Variants in CELF4 observed in about 807,000 individuals in gnomAD.
CELF4 encodes CUGBP Elav-like family member 4.
In CELF4, 18 loss-of-function variants were observed where a neutral mutation model predicts 59.9. That is an observed-to-expected ratio of 0.30 (90% confidence interval 0.21 to 0.45). The LOEUF (loss-of-function observed/expected upper bound fraction) is 0.45, where lower values mean the gene tolerates loss of function less well. Ranked by LOEUF, CELF4 falls within the 20% of genes least tolerant of loss-of-function variation. The pLI, the probability that CELF4 is intolerant of heterozygous loss-of-function variation, is 1.00. For synonymous variants in CELF4, 261 were observed against 267.1 expected, an observed-to-expected ratio of 0.98 and a Z score of 0.22; for missense variants, 456 against 689.0, an observed-to-expected ratio of 0.66 and a Z score of 3.79.
chr18:37,472,470 A>G (rs1156286011), intron 2 of CELF4, among the ~76,000 whole-genome samples: 1 of 152,276 alleles, frequency 6.6e-6, no homozygotes, highest in African/African-American at 2.4e-5. Flanking sequence ...GAATCACTGA[A>G]GCAAGAGTGG....
At chr18:37,418,074 A>G (rs375726873) in intron 2 of CELF4, among the ~76,000 whole-genome samples, 1 of 152,154 alleles carries the variant, frequency 6.6e-6, no homozygotes, top group African/African-American at 2.4e-5. Flanking sequence ...CCTATCTTTC[A>G]AGGCAAAAGT....
At chr18:37,294,014 A>G (rs766847769) in intron 3 of CELF4, among the ~76,000 whole-genome samples, 11 of 152,122 alleles carry the variant, frequency 7.2e-5, no homozygotes, top group Admixed American at 2.0e-4. Flanking sequence ...CAGATAAACA[A>G]TTTCACAAAG....
chr18:37,466,274 A>C (rs138468928), intron 2 of CELF4, among the ~76,000 whole-genome samples: 2,468 of 152,358 alleles, frequency 0.016, 66 homozygotes, highest in African/African-American at 0.056. Context: ...GGAAGAAGGA[A>C]TAAACACCCA....
At chr18:37,408,702 C>T (rs2099409774) in intron 2 of CELF4, among the ~76,000 whole-genome samples, 1 of 152,216 alleles carries the variant, frequency 6.6e-6, no homozygotes, top group African/African-American at 2.4e-5. Flanking sequence ...GTCCCAGCCA[C>T]AGCTCCTAAG....
At chr18:37,266,409 T>C (rs571525685) in intron 9 of CELF4, 124 bp downstream of exon 9, 11 of 1,026,776 alleles carry the variant, frequency 1.1e-5, no homozygotes, top group Middle Eastern at 3.0e-4. Flanking sequence ...CAGCCCTCCC[T>C]CTTTCCACTC....
rs994938824 is a variant in CELF4 at position 37,245,182 on chromosome 18, C to T, written c.*60G>A. 1 of 151,944 alleles carries T rather than the reference C, an allele frequency of 6.6e-6. No individual in the cohort carries two copies. The highest frequency in any genetic ancestry group is 1.5e-5 in the Non-Finnish European group (1 of 67,996). 9.4% of individuals were successfully genotyped at this position (151,944 alleles called of 1,614,324 possible). On this transcript the variant is annotated 3_prime_UTR_variant, in exon 13 of 13. Transcript: ENST00000420428. The surrounding 1 kb of genome is among the most constrained non-coding windows in gnomAD (Gnocchi z 4.1). Reference sequence around the variant, plus strand: ...GAGAGGTTTGTTTTTTAATGTAGCCCGTTCAGCATCCTGCCCTAAAATGAA... The same window carrying T: ...GAGAGGTTTGTTTTTTAATGTAGCCTGTTCAGCATCCTGCCCTAAAATGAA...
At chr18:37,454,296 T>G (rs2099772092) in intron 2 of CELF4, among the ~76,000 whole-genome samples, 2 of 152,138 alleles carry the variant, frequency 1.3e-5, no homozygotes, top group African/African-American at 2.4e-5. Flanking sequence ...GCATCTCCTG[T>G]TTTCCATGCC....
chr18:37,359,659 C>T (rs945859734), intron 2 of CELF4, among the ~76,000 whole-genome samples: 5 of 152,180 alleles, frequency 3.3e-5, no homozygotes, highest in Non-Finnish European at 7.4e-5. Context: ...TGCCATTCTC[C>T]TGTCTCAGCC....
chr18:37,298,052 T>A (rs1213200674), intron 3 of CELF4, among the ~76,000 whole-genome samples: 1 of 152,194 alleles, frequency 6.6e-6, no homozygotes, highest in African/African-American at 2.4e-5. Flanking sequence ...GCTCAAGGGA[T>A]CTGCTGGCCT....
At chr18:37,265,084 A>T (rs943276168) in intron 9 of CELF4, among the ~76,000 whole-genome samples, 1 of 147,514 alleles carries the variant, frequency 6.8e-6, no homozygotes, top group East Asian at 2.0e-4. Context: ...ACGTGTGTGT[A>T]CAGTACATGC....
At chr18:37,500,990 C>T (rs1478866820) in intron 1 of CELF4, among the ~76,000 whole-genome samples, 1 of 152,240 alleles carries the variant, frequency 6.6e-6, no homozygotes, top group Non-Finnish European at 1.5e-5. Context: ...CCAGCTCTAC[C>T]CTTCCTGTGA....
At chr18:37,556,390 C>A (rs1196459166) in intron 1 of CELF4, among the ~76,000 whole-genome samples, 1 of 152,250 alleles carries the variant, frequency 6.6e-6, no homozygotes, top group Non-Finnish European at 1.5e-5. Context: ...AGGGTCTCAA[C>A]CTTCTGCACC....
At chr18:37,312,906 A>G (rs1296496142) in intron 3 of CELF4, among the ~76,000 whole-genome samples, 1 of 152,200 alleles carries the variant, frequency 6.6e-6, no homozygotes, top group African/African-American at 2.4e-5. Flanking sequence ...GTGGACGTCC[A>G]GGTCTGGAGC....
intron 6 of CELF4, chr18:37,273,379 T>C (rs1269055636): frequency 1.1e-5 from 14 of 1,315,514 alleles, no homozygotes; most frequent in African/African-American, 1.5e-5. Flanking sequence ...TTAAAAGTAA[T>C]GCTAGGGTCT....
At chr18:37,434,669 T>C (rs1423353170) in intron 2 of CELF4, among the ~76,000 whole-genome samples, 1 of 152,116 alleles carries the variant, frequency 6.6e-6, no homozygotes, top group African/African-American at 2.4e-5. Flanking sequence ...TGCATGGGGA[T>C]TGGCCTTACA....
chr18:37,484,363 T>C (rs551865894), intron 2 of CELF4, among the ~76,000 whole-genome samples: 1 of 152,214 alleles, frequency 6.6e-6, no homozygotes, highest in Non-Finnish European at 1.5e-5. Flanking sequence ...TATGTGCATG[T>C]AGCCGCGCAA....
At chr18:37,473,243 TC>T (rs2099839128) in intron 2 of CELF4, 1 of 152,136 alleles carries the variant, frequency 6.6e-6, no homozygotes, top group Admixed American at 6.5e-5. Flanking sequence ...ACAAAAGAGG[TC>T]CTGCTTCAGT....
chr18:37,337,298 C>T (rs529383117), intron 2 of CELF4, among the ~76,000 whole-genome samples: 1 of 152,294 alleles, frequency 6.6e-6, no homozygotes, highest in African/African-American at 2.4e-5. Flanking sequence ...GTGAGCCTCA[C>T]ACCCTCCCCT....
chr18:37,345,213 G>A (rs1237603844), intron 2 of CELF4, among the ~76,000 whole-genome samples: 1 of 152,174 alleles, frequency 6.6e-6, no homozygotes, highest in Admixed American at 6.5e-5. Context: ...CTCAGCAGGG[G>A]CTACCCACAC....
Sources: gnomAD v4.1 joint callset for allele counts (sites outside exome capture counted in the v4.1 genomes callset) on GRCh38, gnomAD v4.1.1 for gene constraint, Gnocchi (gnomAD v3.1) non-coding constraint, MANE v1.5 for transcripts, NCBI Gene and HGNC (gene_info 2026-07-23, HGNC 2026-07-21) for gene names.